FAM135B: variants seen among roughly 807,000 people sequenced by gnomAD.
The protein encoded by FAM135B is protein FAM135B.
In FAM135B, 43 loss-of-function variants were observed where a neutral mutation model predicts 127.7. That is an observed-to-expected ratio of 0.34 (90% CI 0.26 to 0.43). The LOEUF (loss-of-function observed/expected upper bound fraction) is 0.43, where lower values mean the gene tolerates loss of function less well. Among genes scored for constraint, FAM135B ranks in the 20% least tolerant of loss-of-function variants. FAM135B has a pLI of 1.00. For missense variants in FAM135B, 1,558 were observed against 1,725.6 expected, an observed-to-expected ratio of 0.90 and a Z score of 1.72; for synonymous variants, 670 against 665.1, an observed-to-expected ratio of 1.01 and a Z score of -0.11.
chr8:138,406,450 C>A (rs1252321752), intron 1 of FAM135B, among the ~76,000 whole-genome samples: 1 of 150,798 alleles, frequency 6.6e-6, no homozygotes, highest in Non-Finnish European at 1.5e-5. Flanking sequence ...GGCAGAGACA[C>A]AACCAAAAAA....
At chr8:138,360,144 G>A (rs1007030443) in intron 2 of FAM135B, among the ~76,000 whole-genome samples, 6 of 152,042 alleles carry the variant, frequency 3.9e-5, no homozygotes, top group South Asian at 2.1e-4. Context: ...AATCTTACTC[G>A]GAAAGAAAAT....
At chr8:138,391,026 G>A (rs1039254855) in intron 1 of FAM135B, among the ~76,000 whole-genome samples, 2 of 152,136 alleles carry the variant, frequency 1.3e-5, no homozygotes, top group African/African-American at 4.8e-5. Flanking sequence ...CCAAGATGAA[G>A]AATGGGAGTA....
chr8:138,467,316 T>C (rs1430714716), intron 1 of FAM135B, among the ~76,000 whole-genome samples: 1 of 152,164 alleles, frequency 6.6e-6, no homozygotes, highest in African/African-American at 2.4e-5. Context: ...TGCTGGACTA[T>C]TTAACTTATT....
intron 1 of FAM135B, among the ~76,000 whole-genome samples, chr8:138,420,890 C>A (rs1020845716): frequency 6.6e-6 from 1 of 152,168 alleles, no homozygotes; most frequent in South Asian, 2.1e-4. Flanking sequence ...CAACATAATT[C>A]TGAATGGGCA....
chr8:138,313,697 A>G (rs1444955306), intron 2 of FAM135B, among the ~76,000 whole-genome samples: 1 of 37,250 alleles, frequency 2.7e-5, no homozygotes, highest in Admixed American at 1.9e-4. Flanking sequence ...AAAACTAAAC[A>G]CTTTTGTGCT....
At chr8:138,308,674 C>A (rs1329780836) in intron 3 of FAM135B, among the ~76,000 whole-genome samples, 2 of 151,966 alleles carry the variant, frequency 1.3e-5, no homozygotes, top group African/African-American at 4.8e-5. Context: ...CTATCTCAAG[C>A]CCTTCTCTTC....
At chr8:138,411,879 G>A (rs989903166) in intron 1 of FAM135B, among the ~76,000 whole-genome samples, 4 of 152,194 alleles carry the variant, frequency 2.6e-5, no homozygotes, top group Non-Finnish European at 5.9e-5. Flanking sequence ...GAAATACTCT[G>A]CAGCCATAAA....
intron 1 of FAM135B, among the ~76,000 whole-genome samples, chr8:138,376,525 T>C (rs1490768044): frequency 1.3e-5 from 2 of 152,228 alleles, no homozygotes; most frequent in Non-Finnish European, 2.9e-5. Context: ...CAGTGGTTTC[T>C]CTGGCCCTTA....
Position 138,132,770 on chromosome 8 carries a change from G to T in FAM135B, c.4044C>A (p.Asn1348Lys). Residue 1348 changes from asparagine to lysine, a missense_variant, in exon 20 of 20, where the codon AAC (asparagine) becomes AAA (lysine). Transcript: ENST00000395297. The surrounding 1 kb of genome is among the most constrained non-coding windows in gnomAD (Gnocchi z 4.5). ...TGPVYAEMIN[N>K]LLGPLVEAKD... ...TGGCTTCAACCAGAGGGCCCAGGAG[G>T]TTGTTGATCATTTCTGCATAAACTG... 1 of 1,614,142 alleles carries T rather than the reference G, an allele frequency of 6.2e-7. No individual in the cohort carries two copies. The highest frequency in any genetic ancestry group is 1.7e-5 in the Admixed American group (1 of 60,028).
At chr8:138,183,808 T>C (rs1180856774) in intron 9 of FAM135B, among the ~76,000 whole-genome samples, 1 of 152,218 alleles carries the variant, frequency 6.6e-6, no homozygotes, top group Non-Finnish European at 1.5e-5. Context: ...GAGTTCAGTT[T>C]GATAATTACT....
chr8:138,336,718 A>G (rs193060983), intron 2 of FAM135B, among the ~76,000 whole-genome samples: 1 of 152,330 alleles, frequency 6.6e-6, no homozygotes, highest in African/African-American at 2.4e-5. Flanking sequence ...AATTATTACA[A>G]TTAATAGAAA....
chr8:138,145,906 C>A, intron 15 of FAM135B, 53 bp downstream of exon 15: 1 of 916,276 alleles, frequency 1.1e-6, no homozygotes, highest in Non-Finnish European at 1.8e-6. Context: ...TTAGGAGGCT[C>A]ATATAAGCAT....
At chr8:138,280,489 A>C (rs1010504122) in intron 3 of FAM135B, among the ~76,000 whole-genome samples, 6 of 152,150 alleles carry the variant, frequency 3.9e-5, no homozygotes, top group African/African-American at 1.4e-4. Flanking sequence ...GGCTGAGCAC[A>C]AGGAGCACTT....
At position 138,265,826 on chromosome 8, in the gene FAM135B, A is replaced by T. The variant is rs761357756; in HGVS notation, c.174T>A (p.His58Gln). Residue 58 changes from histidine to glutamine, a missense_variant, in exon 4 of 20, where the codon CAT (histidine) becomes CAA (glutamine). Physicochemically the swap from His to Gln is conservative, Grantham distance 24 (BLOSUM62 0). Transcript: ENST00000395297. Reference sequence around the variant, plus strand: ...CGGTGCTGTCATGGACACAGGCTGAATGCAGGCTGCTGCTCTCTGCAAAAC... The same window carrying T: ...CGGTGCTGTCATGGACACAGGCTGATTGCAGGCTGCTGCTCTCTGCAAAAC... ...IAGQTESSSL[H>Q]SACVHDSTVH... is the part of the protein sequence containing the mutation. 2 of 1,613,828 alleles carry T rather than the reference A, an allele frequency of 1.2e-6. No individual in the cohort carries two copies. The highest frequency in any genetic ancestry group is 3.3e-5 in the Admixed American group (2 of 60,022).
At chr8:138,495,864 C>G (rs895104120) in intron 1 of FAM135B, among the ~76,000 whole-genome samples, 1 of 152,150 alleles carries the variant, frequency 6.6e-6, no homozygotes, top group African/African-American at 2.4e-5. Flanking sequence ...AAATGGACAA[C>G]TGAAGCGGTG....
chr8:138,195,633 TACACACAC>T (rs34987954), intron 8 of FAM135B, among the ~76,000 whole-genome samples: 4 of 149,668 alleles, frequency 2.7e-5, no homozygotes, highest in Non-Finnish European at 5.9e-5. Flanking sequence ...TTTTTGCAGG[TACACACAC>T]ACACACACAC....
chr8:138,437,853 A>G (rs1835539901), intron 1 of FAM135B: 1 of 152,250 alleles, frequency 6.6e-6, no homozygotes, highest in South Asian at 2.1e-4. Context: ...TTCAGTAAAT[A>G]GTAGCACAAA....
At chr8:138,206,526 C>T (rs1474925489) in intron 7 of FAM135B, among the ~76,000 whole-genome samples, 10 of 151,938 alleles carry the variant, frequency 6.6e-5, no homozygotes, top group Admixed American at 6.6e-5. Flanking sequence ...TCTATCATCC[C>T]CTCCATCTAC....
At chr8:138,206,122 A>AAAG (rs1817538045) in intron 7 of FAM135B, among the ~76,000 whole-genome samples, 1 of 56,440 alleles carries the variant, frequency 1.8e-5, no homozygotes, top group African/African-American at 6.8e-5. Flanking sequence ...CCACCTACAC[A>AAAG]CAGGCCAGCA....
Sources: gnomAD v4.1 joint callset for allele counts (sites outside exome capture counted in the v4.1 genomes callset) on GRCh38, gnomAD v4.1.1 for gene constraint, Gnocchi (gnomAD v3.1) non-coding constraint, MANE v1.5 for transcripts, NCBI Gene and HGNC (gene_info 2026-07-23, HGNC 2026-07-21) for gene names.